WT1: variants seen among roughly 807,000 people sequenced by gnomAD.
The protein encoded by WT1 is Wilms tumor protein.
A neutral mutation model predicts 60.8 loss-of-function variants in WT1; 8 were observed. That is an observed-to-expected ratio of 0.13 (90% CI 0.08 to 0.24). The LOEUF (loss-of-function observed/expected upper bound fraction) is 0.24. Ranked by LOEUF, WT1 falls within the 10% of genes least tolerant of loss-of-function variation. The probability of loss-of-function intolerance (pLI) is 1.00; values close to 1 mark genes in which losing one functional copy is unlikely to be tolerated. For synonymous variants in WT1, 312 were observed against 297.1 expected (o/e 1.05, Z -0.52); for missense variants, 568 against 711.8 (o/e 0.80, Z 2.30).
chr11:32,405,345 C>T (rs988740465), intron 5 of WT1, among the ~76,000 whole-genome samples: 15 of 151,862 alleles, frequency 9.9e-5, no homozygotes, highest in African/African-American at 3.1e-4. Context: ...TAAGTTCTTG[C>T]GAATAATTGA....
chr11:32,410,640 C>G (rs898352663), intron 5 of WT1, among the ~76,000 whole-genome samples: 2 of 151,862 alleles, frequency 1.3e-5, no homozygotes, highest in African/African-American at 4.8e-5. Context: ...GTTTTGGTCC[C>G]GTCTGAATTT....
intron 6 of WT1, among the ~76,000 whole-genome samples, chr11:32,397,353 G>A (rs1852004693): frequency 6.6e-6 from 1 of 152,104 alleles, no homozygotes; most frequent in Non-Finnish European, 1.5e-5. Context: ...ATCTTATTCT[G>A]TTGTCCAGGC....
At chr11:32,430,830 G>C (rs1044151248) in intron 1 of WT1, 2 of 1,284,904 alleles carry the variant, frequency 1.6e-6, no homozygotes, top group Non-Finnish European at 2.0e-6. Context: ...GGAGCGGAGG[G>C]AGGTCTCTTT....
In WT1 at chr11:32,428,006, G is replaced by A. The variant is rs747613465; in HGVS notation, c.837C>T (p.Thr279=). The A allele has an allele frequency of 5.0e-6, 8 of 1,611,628 alleles. No homozygotes were observed. Among genetic ancestry groups the A allele is most frequent in the Non-Finnish European group, 6.8e-6 (8 of 1,179,076 alleles). ...AAGCCTGGCTGCCGGTGCAGCTGTC[G>A]GTGGGGGTGTGGCAGCCATAGACCG... The change falls in exon 3 of 10, where the codon ACC becomes ACT. Residue 279 remains threonine, a synonymous_variant. Transcript: ENST00000452863.
At chr11:32,393,178 A>C (rs1851867460) in intron 7 of WT1, among the ~76,000 whole-genome samples, 1 of 152,276 alleles carries the variant, frequency 6.6e-6, no homozygotes, top group African/African-American at 2.4e-5. Flanking sequence ...TCTGGGATGC[A>C]TGTGCCTTGA....
chr11:32,425,130 T>A (rs1365006584), intron 3 of WT1, among the ~76,000 whole-genome samples: 1 of 149,022 alleles, frequency 6.7e-6, no homozygotes, highest in Non-Finnish European at 1.5e-5. Context: ...TGAGCCAAGA[T>A]TGTGCCACTG....
At chr11:32,393,873 C>G (rs1266149578) in intron 7 of WT1, among the ~76,000 whole-genome samples, 2 of 152,172 alleles carry the variant, frequency 1.3e-5, no homozygotes, top group African/African-American at 4.8e-5. Context: ...GTTGGAAAAT[C>G]CTAAGGGCTG....
At chr11:32,413,520 T>C (rs576232274) in intron 5 of WT1, among the ~76,000 whole-genome samples, 1 of 152,366 alleles carries the variant, frequency 6.6e-6, no homozygotes, top group South Asian at 2.1e-4. Context: ...AATCCAGTTC[T>C]GGGCTGTTCA....
chr11:32,432,076 G>A (rs7936152), intron 1 of WT1, among the ~76,000 whole-genome samples: 46,936 of 152,114 alleles, frequency 0.31, 9,775 homozygotes, highest in African/African-American at 0.59. Flanking sequence ...CCAAGTAGGC[G>A]ATTGATGTTT....
At chr11:32,393,201 G>A (rs1380514558) in intron 7 of WT1, among the ~76,000 whole-genome samples, 1 of 152,244 alleles carries the variant, frequency 6.6e-6, no homozygotes, top group African/African-American at 2.4e-5. Context: ...TCAACCTCAT[G>A]AAATAAGAGT....
rs58549495 is a variant in WT1, at chr11:32,388,003, A to AACACACACACAC, written c.*1043_*1054dup. 8.7e-6 allele frequency: 2 copies of AACACACACACAC among 229,092 alleles called. No homozygotes were observed. The highest frequency in any genetic ancestry group is 1.7e-5 in the Non-Finnish European group (2 of 116,778). The allele number at this position is 229,092 out of a possible 1,614,324, so 14.2% of individuals were successfully genotyped here. A position where few individuals can be genotyped will look rare whatever the true frequency, so the allele number is the denominator to read the frequency against. On this transcript the variant is annotated 3_prime_UTR_variant, in exon 10 of 10. Coordinates refer to ENST00000452863, the MANE Select transcript of WT1 (RefSeq NM_024426.6). ...TCCCTTAAAAAACAAAACACAACACAACACACACACACACACACACACACA... is the reference window on the plus strand; with the variant it reads ...TCCCTTAAAAAACAAAACACAACACAACACACACACACACACACACACACACACACACACACA...
intron 4 of WT1, among the ~76,000 whole-genome samples, chr11:32,417,251 G>A (rs921687225): frequency 2.0e-5 from 3 of 152,124 alleles, no homozygotes; most frequent in Admixed American, 2.0e-4. Context: ...ATAGTGGAAT[G>A]GTTAACAACT....
intron 5 of WT1, among the ~76,000 whole-genome samples, chr11:32,407,971 C>T (rs141226736): frequency 0.032 from 4,885 of 152,184 alleles, 281 homozygotes; most frequent in African/African-American, 0.11. Flanking sequence ...GCCTGTAATC[C>T]CAGCACTACG....
intron 1 of WT1, among the ~76,000 whole-genome samples, chr11:32,434,201 G>A (rs988233177): frequency 1.3e-5 from 2 of 152,236 alleles, no homozygotes; most frequent in Non-Finnish European, 2.9e-5. Context: ...TATTATAAGG[G>A]CTGGAGGTGC....
At chr11:32,396,452 G>A in intron 6 of WT1, 45 bp from the exon 7 acceptor site, 1 of 1,608,668 alleles carries the variant, frequency 6.2e-7, no homozygotes, top group East Asian at 2.2e-5. Flanking sequence ...AGCCACATGT[G>A]AACATTCACG....
chr11:32,430,711 C>A lies in WT1; in HGVS notation c.662-2092G>T, dbSNP rs935762228. 9 of 1,397,470 alleles carry A rather than the reference C, an allele frequency of 6.4e-6. No individual in the cohort carries two copies. In the Admixed American group the frequency reaches 8.6e-5, roughly 13 times the overall value. 86.6% of individuals were successfully genotyped at this position (1,397,470 alleles called of 1,614,324 possible). A position where few individuals can be genotyped will look rare whatever the true frequency, so the allele number is the denominator to read the frequency against. ...CCAAGGATGCCCGTGGCCCGCGAGC[C>A]CTCCTAGGCCTCCTCCCAGACCGGA... On this transcript the variant is annotated intron_variant, in intron 1 of 9. Transcript: ENST00000452863.
intron 7 of WT1, among the ~76,000 whole-genome samples, chr11:32,394,730 T>C (rs1333575130): frequency 6.6e-6 from 1 of 152,210 alleles, no homozygotes; most frequent in East Asian, 1.9e-4. Context: ...GACTGTAGGA[T>C]TGTTAAATAC....
intron 5 of WT1, among the ~76,000 whole-genome samples, chr11:32,411,577 A>G (rs1227434694): frequency 1.3e-5 from 2 of 152,328 alleles, no homozygotes; most frequent in South Asian, 2.1e-4. Flanking sequence ...TTCTCTGCGT[A>G]GTTGTATTTT....
chr11:32,417,564 G>C lies in WT1; in HGVS notation c.965+13C>G, dbSNP rs1159065961. Reference sequence around the variant, plus strand: ...GTTACTGTGGAAAGGCAATGGAATAGAGAAAACCTTACCCCTTTAAGGTGG... The same window carrying C: ...GTTACTGTGGAAAGGCAATGGAATACAGAAAACCTTACCCCTTTAAGGTGG... On this transcript the variant is annotated intron_variant, in intron 4 of 9. Transcript: ENST00000452863. 1 of 1,610,824 alleles carries C rather than the reference G, an allele frequency of 6.2e-7. No homozygotes were observed. Among genetic ancestry groups the C allele is most frequent in the Non-Finnish European group, 8.5e-7 (1 of 1,177,096 alleles).
Sources: allele counts gnomAD v4.1 joint callset (sites outside exome capture counted in the v4.1 genomes callset), GRCh38; gene constraint gnomAD v4.1.1; transcripts MANE v1.5; gene names NCBI Gene and HGNC (gene_info 2026-07-23, HGNC 2026-07-21).